The following EIF4E1B variants were observed in gnomAD, a reference collection of about 807,000 sequenced individuals.
EIF4E1B encodes the protein eukaryotic translation initiation factor 4E type 1B.
Under a neutral mutation model 31.3 loss-of-function variants are expected in EIF4E1B, and 22 were observed. The ratio of observed to expected loss-of-function variants is 0.70; its 90% CI spans 0.50 to 1.00. EIF4E1B has a LOEUF of 1.00. Among genes scored for constraint, EIF4E1B ranks in the 50% least tolerant of loss-of-function variants. The pLI, the probability that EIF4E1B is intolerant of heterozygous loss-of-function variation, is 0.00. For synonymous variants in EIF4E1B, 126 were observed against 120.2 expected (o/e 1.05, Z -0.31); for missense variants, 290 against 311.6 (o/e 0.93, Z 0.52).
At chr5:176,641,932 C>T (rs956215837) in intron 1 of EIF4E1B, 111 bp from the exon 2 acceptor site, 1 of 152,614 alleles carries the variant, frequency 6.6e-6, no homozygotes, top group African/African-American at 2.4e-5. Flanking sequence ...CCTCAGCTGA[C>T]TTCTGTTGAG....
intron 1 of EIF4E1B, among the ~76,000 whole-genome samples, chr5:176,639,281 G>A (rs991818114): frequency 1.3e-5 from 2 of 152,170 alleles, no homozygotes; most frequent in Non-Finnish European, 2.9e-5. Context: ...GAGAGGAATG[G>A]GCAGATTCAA....
rs915651417 is a variant in EIF4E1B, at chr5:176,641,497, G to A, written c.-201-546G>A. On this transcript the variant is annotated intron_variant, in intron 1 of 8. Coordinates refer to ENST00000318682, the MANE Select transcript of EIF4E1B (RefSeq NM_001099408.2). ...CCGCTCTGAAGCCCCAGCTTGGATC[G>A]TGGACTTTTTAGGTTCTCCCATCCC... Among the ~76,000 whole-genome samples the A allele has an allele frequency of 5.9e-5, 9 of 152,270 alleles. No homozygotes were observed. The South Asian group carries it at 1.2e-3, about 21-fold the overall frequency.
chr5:176,637,255 A>G (rs1223535762), intron 1 of EIF4E1B, among the ~76,000 whole-genome samples: 1 of 152,166 alleles, frequency 6.6e-6, no homozygotes, highest in East Asian at 1.9e-4. Flanking sequence ...ACTGGCCAAC[A>G]TGGTGAAACT....
chr5:176,633,701 G>T (rs1246599945), intron 1 of EIF4E1B, among the ~76,000 whole-genome samples: 1 of 152,192 alleles, frequency 6.6e-6, no homozygotes, highest in African/African-American at 2.4e-5. Flanking sequence ...CCTGATGCCA[G>T]AGTACAAGAT....
intron 1 of EIF4E1B, among the ~76,000 whole-genome samples, chr5:176,635,357 C>T (rs1051150379): frequency 1.3e-5 from 2 of 151,878 alleles, no homozygotes; most frequent in African/African-American, 2.4e-5. Context: ...TAGCAGTGAG[C>T]GCAAAGAGGG....
intron 2 of EIF4E1B, 132 bp from the exon 3 acceptor site, chr5:176,642,578 C>G: frequency 1.4e-6 from 1 of 694,166 alleles, no homozygotes; most frequent in Non-Finnish European, 2.3e-6. Flanking sequence ...CCAGAAGGCC[C>G]CACGGCCATG....
Position 176,637,204 on chromosome 5 carries a change from C to G in EIF4E1B, c.-201-4839C>G, listed in dbSNP as rs142785996. 5.3e-5 allele frequency among the ~76,000 whole-genome samples: 8 copies of G among 152,230 alleles called. 1 individual carries two copies. The South Asian group carries it at 1.0e-3, about 20-fold the overall frequency. On this transcript the variant is annotated intron_variant, in intron 1 of 8. Coordinates refer to ENST00000318682, the MANE Select transcript of EIF4E1B (RefSeq NM_001099408.2). ...CTGTAAGCCCAGCACTTTGGGAGGCCGAGGTGGGCGGATCACCTGCGGTCA... is the reference window on the plus strand; with the variant it reads ...CTGTAAGCCCAGCACTTTGGGAGGCGGAGGTGGGCGGATCACCTGCGGTCA...
At chr5:176,639,598 GC>G (rs1360625080) in intron 1 of EIF4E1B, among the ~76,000 whole-genome samples, 1 of 152,092 alleles carries the variant, frequency 6.6e-6, no homozygotes, top group African/African-American at 2.4e-5. Flanking sequence ...ACTGGGGGGA[GC>G]CCTTCCTTCC....
chr5:176,646,071 C>A lies in EIF4E1B; in HGVS notation c.*91C>A. The A allele has an allele frequency of 8.8e-7, 1 of 1,130,906 alleles. No homozygotes were observed. Among genetic ancestry groups the A allele is most frequent in the Non-Finnish European group, 1.3e-6 (1 of 778,238 alleles). 70.1% of individuals were successfully genotyped at this position (1,130,906 alleles called of 1,614,324 possible). A position where few individuals can be genotyped will look rare whatever the true frequency, so the allele number is the denominator to read the frequency against. On this transcript the variant is annotated 3_prime_UTR_variant, in exon 9 of 9. Transcript: ENST00000318682. ...TGGGGCGGGACTGGGGATCAGACAG[C>A]CTAGTTCTTACCTGTCCTCAAGTGA...
chr5:176,644,732 G>A, intron 6 of EIF4E1B: 1 of 511,912 alleles, frequency 2.0e-6, no homozygotes, highest in South Asian at 2.7e-5. Flanking sequence ...ACTCATTGAT[G>A]CCACACCCAT....
chr5:176,646,355 G>C lies in EIF4E1B; in HGVS notation c.*375G>C, dbSNP rs1760711601. The C allele has an allele frequency of 4.8e-6, 1 of 206,890 alleles. No individual in the cohort carries two copies. The highest frequency in any genetic ancestry group is 1.1e-4 in the East Asian group (1 of 8,802). 12.8% of individuals were successfully genotyped at this position (206,890 alleles called of 1,614,324 possible). A position where few individuals can be genotyped will look rare whatever the true frequency, so the allele number is the denominator to read the frequency against. The stretch of plus-strand genomic sequence containing the variant: ...CTGAGAGACAGACTCTTCCATGGGT[G>C]GTGGGCTCAAGGGCACAGACATTCT... On this transcript the variant is annotated 3_prime_UTR_variant, in exon 9 of 9. Coordinates refer to ENST00000318682, the MANE Select transcript of EIF4E1B (RefSeq NM_001099408.2).
chr5:176,641,500 G>A (rs1760577465), intron 1 of EIF4E1B, among the ~76,000 whole-genome samples: 1 of 152,182 alleles, frequency 6.6e-6, no homozygotes, highest in African/African-American at 2.4e-5. Context: ...TTGGATCGTG[G>A]ACTTTTTAGG....
chr5:176,642,852 C>CA (rs772555913), intron 3 of EIF4E1B, 50 bp downstream of exon 3: 3 of 949,376 alleles, frequency 3.2e-6, no homozygotes, highest in South Asian at 2.5e-5. Flanking sequence ...CCCGCCCTCT[C>CA]CCCCCCCCCC....
At chr5:176,641,820 C>G (rs753551237) in intron 1 of EIF4E1B, 5 of 152,486 alleles carry the variant, frequency 3.3e-5, no homozygotes, top group African/African-American at 1.2e-4. Context: ...AGCCTTCAGC[C>G]TCCACAGAAA....
intron 1 of EIF4E1B, among the ~76,000 whole-genome samples, chr5:176,640,075 G>A (rs1215532995): frequency 6.6e-6 from 1 of 152,230 alleles, no homozygotes; most frequent in African/African-American, 2.4e-5. Context: ...TAGTAGAATA[G>A]AGTGGGTCTG....
chr5:176,637,997 G>C (rs972311720), intron 1 of EIF4E1B, among the ~76,000 whole-genome samples: 10 of 152,196 alleles, frequency 6.6e-5, no homozygotes, highest in African/African-American at 2.2e-4. Flanking sequence ...ACTGGTCATG[G>C]CATGTGCTAA....
chr5:176,643,968 C>G (rs1024920734), intron 5 of EIF4E1B: 6 of 583,684 alleles, frequency 1.0e-5, no homozygotes, highest in African/African-American at 9.3e-5. Context: ...GACTCGGCCA[C>G]TCCAGGGCTT....
chr5:176,634,206 T>C (rs1214281613), intron 1 of EIF4E1B, among the ~76,000 whole-genome samples: 4 of 151,542 alleles, frequency 2.6e-5, no homozygotes, highest in Non-Finnish European at 5.9e-5. Context: ...CTGGAGGAGG[T>C]GTCCAGCAGA....
chr5:176,643,232 G>C lies in EIF4E1B; in HGVS notation c.166G>C (p.Glu56Gln). 2 of 1,612,780 alleles carry C rather than the reference G, an allele frequency of 1.2e-6. No homozygotes were observed. Among genetic ancestry groups the C allele is most frequent in the African/African-American group, 2.7e-5 (2 of 75,014 alleles). Residue 56 changes from glutamate to glutamine, a missense_variant, in exon 4 of 9, where the codon GAA (glutamate) becomes CAA (glutamine). Transcript: ENST00000318682. Reference protein sequence around the residue: ...RGKARTGGPMEVKLELHPLQN... With the variant: ...RGKARTGGPMQVKLELHPLQN... ...GAAGGCCCGGACGGGGGGCCCCATG[G>C]AAGTCAAGCTGGAGCTGCACCCCTT...
Sources: allele counts gnomAD v4.1 joint callset (sites outside exome capture counted in the v4.1 genomes callset), GRCh38; gene constraint gnomAD v4.1.1; transcripts MANE v1.5; gene names NCBI Gene and HGNC (gene_info 2026-07-23, HGNC 2026-07-21).